AFG1L: variants seen among roughly 807,000 people sequenced by gnomAD.
AFG1L encodes AFG1 like ATPase.
AFG1L carries 53 observed loss-of-function variants against 62.2 expected under a neutral mutation model. The observed-to-expected ratio is 0.85, with a 90% confidence interval of 0.68 to 1.07. The LOEUF (loss-of-function observed/expected upper bound fraction) is 1.07, where lower values mean the gene tolerates loss of function less well. Among genes scored for constraint, AFG1L ranks in the 50% least tolerant of loss-of-function variants. The pLI, the probability that AFG1L is intolerant of heterozygous loss-of-function variation, is 0.00. For missense variants in AFG1L, 555 were observed against 590.5 expected, an observed-to-expected ratio of 0.94 and a Z score of 0.62; for synonymous variants, 228 against 210.3, an observed-to-expected ratio of 1.08 and a Z score of -0.73.
rs1287105692 is a variant in AFG1L, at chr6:108,477,173, TTTGTTCATG to T, written c.962-16_962-8del. On this transcript the variant is annotated splice_polypyrimidine_tract_variant and intron_variant, in intron 9 of 12. Coordinates refer to ENST00000368977, the MANE Select transcript of AFG1L (RefSeq NM_145315.5). Reference sequence around the variant, plus strand: ...GTAATTATCCAGACAAGATTGAGTCTTTGTTCATGTTCCCATAGTAACTAGACCAAGGAT... The same window carrying T: ...GTAATTATCCAGACAAGATTGAGTCTTTCCCATAGTAACTAGACCAAGGAT... 6.7e-7 allele frequency: 1 copy of T among 1,489,118 alleles called. No homozygotes were observed. The highest frequency in any genetic ancestry group is 1.2e-5 in the South Asian group (1 of 83,292). The allele number at this position is 1,489,118 out of a possible 1,614,324, so 92.2% of individuals were successfully genotyped here. A position where few individuals can be genotyped will look rare whatever the true frequency, so the allele number is the denominator to read the frequency against.
chr6:108,467,955 G>A (rs1772737696), intron 8 of AFG1L, among the ~76,000 whole-genome samples: 1 of 152,160 alleles, frequency 6.6e-6, no homozygotes, highest in Non-Finnish European at 1.5e-5. Context: ...GTTTTCTACT[G>A]GAGTTTTAGT....
At chr6:108,312,807 C>G (rs897232339) in intron 1 of AFG1L, among the ~76,000 whole-genome samples, 2 of 151,964 alleles carry the variant, frequency 1.3e-5, no homozygotes, top group African/African-American at 4.8e-5. Flanking sequence ...CTCTGTTGCC[C>G]AGGCTACAGT....
intron 7 of AFG1L, among the ~76,000 whole-genome samples, chr6:108,439,442 C>G (rs1220544256): frequency 2.0e-5 from 3 of 152,100 alleles, no homozygotes; most frequent in Admixed American, 2.0e-4. Context: ...TATGAAACAT[C>G]TTTAGTATCA....
chr6:108,354,027 A>C (rs901929489), intron 3 of AFG1L, among the ~76,000 whole-genome samples: 13 of 152,316 alleles, frequency 8.5e-5, no homozygotes, highest in Admixed American at 7.2e-4. Flanking sequence ...ATTACTAGAC[A>C]GGAAGTGATC....
rs368972083 is a variant in AFG1L, at chr6:108,467,163, C to T, written c.891-9702C>T. ...ATTTGTCAACCAGCAAAGATCAGGA[C>T]TGTCAGGGTAATTAATGCATTGTGT... On this transcript the variant is annotated intron_variant, in intron 8 of 12. Coordinates refer to ENST00000368977, the MANE Select transcript of AFG1L (RefSeq NM_145315.5). 1.6e-3 allele frequency among the ~76,000 whole-genome samples: 236 copies of T among 152,030 alleles called. No homozygotes were observed. The Middle Eastern group carries it at 0.034, about 22-fold the overall frequency.
chr6:108,503,344 A>G (rs1774275901), intron 10 of AFG1L, among the ~76,000 whole-genome samples: 1 of 152,230 alleles, frequency 6.6e-6, no homozygotes, highest in Non-Finnish European at 1.5e-5. Flanking sequence ...AGTCAAAATT[A>G]CTTCTTGATC....
intron 10 of AFG1L, among the ~76,000 whole-genome samples, chr6:108,500,694 T>C (rs1774163282): frequency 6.6e-6 from 1 of 152,196 alleles, no homozygotes; most frequent in Non-Finnish European, 1.5e-5. Context: ...CTGGGTTGAA[T>C]AGTAGTTCTA....
At chr6:108,390,935 G>A (rs556119246) in intron 6 of AFG1L, among the ~76,000 whole-genome samples, 1 of 152,182 alleles carries the variant, frequency 6.6e-6, no homozygotes, top group Non-Finnish European at 1.5e-5. Context: ...CGTCGCTCAC[G>A]CTGGGAGCTG....
intron 10 of AFG1L, among the ~76,000 whole-genome samples, chr6:108,487,439 C>T (rs1773615025): frequency 1.3e-5 from 2 of 152,222 alleles, no homozygotes; most frequent in Non-Finnish European, 2.9e-5. Context: ...ACCACTTCAC[C>T]ATTCTGGGTC....
At chr6:108,325,746 A>G (rs1397309944) in intron 2 of AFG1L, among the ~76,000 whole-genome samples, 3 of 151,908 alleles carry the variant, frequency 2.0e-5, no homozygotes, top group African/African-American at 7.3e-5. Flanking sequence ...TCGGCCTCCC[A>G]AAGTGCTGGG....
intron 6 of AFG1L, among the ~76,000 whole-genome samples, chr6:108,377,207 C>T (rs1276942585): frequency 6.6e-6 from 1 of 152,114 alleles, no homozygotes; most frequent in African/African-American, 2.4e-5. Context: ...CAACTTGCCA[C>T]TCTTTGCCTT....
At chr6:108,304,082 A>AACT (rs1777112398) in intron 1 of AFG1L, among the ~76,000 whole-genome samples, 1 of 152,206 alleles carries the variant, frequency 6.6e-6, no homozygotes, top group Admixed American at 6.5e-5. Context: ...AAAGAATGGT[A>AACT]ACCACCAAGC....
At chr6:108,401,626 A>AT (rs1206066825) in intron 6 of AFG1L, among the ~76,000 whole-genome samples, 1 of 151,846 alleles carries the variant, frequency 6.6e-6, no homozygotes, top group African/African-American at 2.4e-5. Context: ...AAAGGAGAGA[A>AT]TTTTTTTTAT....
intron 6 of AFG1L, among the ~76,000 whole-genome samples, chr6:108,368,817 C>T (rs1779867185): frequency 6.6e-6 from 1 of 152,144 alleles, no homozygotes; most frequent in South Asian, 2.1e-4. Flanking sequence ...GGACAGCCAC[C>T]AGGAGGGATT....
At chr6:108,329,310 T>A (rs1226910506) in intron 2 of AFG1L, among the ~76,000 whole-genome samples, 1 of 152,032 alleles carries the variant, frequency 6.6e-6, no homozygotes, top group Non-Finnish European at 1.5e-5. Flanking sequence ...TATTTTTTAT[T>A]TTTTTTGAGA....
At chr6:108,419,089 A>G (rs1770469126) in intron 7 of AFG1L, among the ~76,000 whole-genome samples, 1 of 152,176 alleles carries the variant, frequency 6.6e-6, no homozygotes, top group South Asian at 2.1e-4. Flanking sequence ...ATGAACCCTA[A>G]AAGAGATAAA....
Position 108,523,419 on chromosome 6 carries a change from T to A in AFG1L, c.*994T>A, listed in dbSNP as rs1428233195. The A allele has an allele frequency of 6.6e-6, 1 of 152,206 alleles. No homozygotes were observed. The highest frequency in any genetic ancestry group is 1.5e-5 in the Non-Finnish European group (1 of 68,042). 9.4% of individuals were successfully genotyped at this position (152,206 alleles called of 1,614,324 possible). A position where few individuals can be genotyped will look rare whatever the true frequency, so the allele number is the denominator to read the frequency against. On this transcript the variant is annotated 3_prime_UTR_variant, in exon 13 of 13. Coordinates refer to ENST00000368977, the MANE Select transcript of AFG1L (RefSeq NM_145315.5). ...TCTGATTTGTCCTTCACTGAGCTCA[T>A]CTTTTGCTTCTTTGAGTAAAACCTG...
At chr6:108,433,460 T>G (rs1021661193) in intron 7 of AFG1L, among the ~76,000 whole-genome samples, 2 of 151,818 alleles carry the variant, frequency 1.3e-5, no homozygotes, top group Non-Finnish European at 2.9e-5. Context: ...TTGTATTTTT[T>G]TTTTGGTAGA....
rs191596832 is a variant in AFG1L at position 108,508,387 on chromosome 6, G to A, written c.1063-1825G>A. The stretch of plus-strand genomic sequence containing the variant: ...GAGGTGAGTGGCTTGTCTCAGCTAA[G>A]GCCAGGCACGAGGTCTGGAGGTAGA... On this transcript the variant is annotated intron_variant, in intron 10 of 12. Transcript: ENST00000368977. Among the ~76,000 whole-genome samples the A allele has an allele frequency of 1.7e-3, 254 of 152,342 alleles. 2 individuals carry two copies. In the Middle Eastern group the frequency reaches 0.041, roughly 24 times the overall value.
Sources: allele counts gnomAD v4.1 joint callset (sites outside exome capture counted in the v4.1 genomes callset), GRCh38; gene constraint gnomAD v4.1.1; transcripts MANE v1.5; gene names NCBI Gene and HGNC (gene_info 2026-07-23, HGNC 2026-07-21).